COPG1: variants seen among roughly 807,000 people sequenced by gnomAD.
COPG1 encodes the protein coat protein complex I subunit gamma 1.
A neutral mutation model predicts 102.8 loss-of-function variants in COPG1; 29 were observed. The observed-to-expected ratio is 0.28, with a 90% CI of 0.21 to 0.38. The LOEUF is 0.38. Among genes scored for constraint, COPG1 ranks in the 10% least tolerant of loss-of-function variants. COPG1 has a pLI of 1.00. For synonymous variants in COPG1, 406 were observed against 421.6 expected (o/e 0.96, Z 0.45); for missense variants, 875 against 1,132.7 (o/e 0.77, Z 3.27).
intron 12 of COPG1, 43 bp from the exon 13 acceptor site, chr3:129,263,861 T>C: frequency 6.4e-7 from 1 of 1,566,026 alleles, no homozygotes; most frequent in South Asian, 1.1e-5. Context: ...TCACCCCATC[T>C]TGGTGGCAGG....
intron 14 of COPG1, 92 bp downstream of exon 14, chr3:129,265,884 G>A: frequency 8.5e-6 from 11 of 1,301,414 alleles, no homozygotes; most frequent in Non-Finnish European, 1.2e-5. Flanking sequence ...GGGGATTTGT[G>A]CACTCAGTGT....
At chr3:129,260,275 T>A in intron 10 of COPG1, 58 bp from the exon 11 acceptor site, 1 of 1,519,668 alleles carries the variant, frequency 6.6e-7, no homozygotes, top group Non-Finnish European at 9.1e-7. Flanking sequence ...TAGCCCCCGG[T>A]TTTCCCAGCT....
intron 1 of COPG1, among the ~76,000 whole-genome samples, chr3:129,249,980 C>G (rs1008476222): frequency 5.4e-5 from 8 of 149,068 alleles, no homozygotes; most frequent in Admixed American, 4.0e-4. Flanking sequence ...AACACCCCCC[C>G]CCCCAGGCCT....
At chr3:129,254,109 C>T (rs1277876315) in intron 5 of COPG1, among the ~76,000 whole-genome samples, 2 of 151,750 alleles carry the variant, frequency 1.3e-5, no homozygotes, top group Non-Finnish European at 2.9e-5. Flanking sequence ...CCAGCCTGGC[C>T]AACATAGTGA....
rs535420031 is a variant in COPG1 at position 129,274,755 on chromosome 3, C to G, written c.2257-83C>G. 3.9e-5 allele frequency: 57 copies of G among 1,479,444 alleles called. No homozygotes were observed. In the South Asian group the frequency reaches 6.8e-4, roughly 18 times the overall value. The allele number at this position is 1,479,444 out of a possible 1,614,324, so 91.6% of individuals were successfully genotyped here. On this transcript the variant is annotated intron_variant, in intron 21 of 23. Coordinates refer to ENST00000314797, the MANE Select transcript of COPG1 (RefSeq NM_016128.4). ...GAGCAAGCACCTGTGGAAAGAGTTG[C>G]AGGAAGGGATGTGTGGATGAGTTCA...
In COPG1 at chr3:129,265,558, G is replaced by A; in HGVS notation, c.1234G>A (p.Glu412Lys). ...FTMLREEGGF[E>K]YKRAIVDCII... ...CAGCTTCTCTCTGCAGGGTGGCTTT[G>A]AGTATAAGCGCGCTATCGTGGACTG... is the stretch of plus-strand genomic sequence containing the variant. The change falls in exon 14 of 24, where the codon GAG becomes AAG. Residue 412 changes from glutamate to lysine, a missense_variant. Glu to Lys is a moderately conservative substitution (Grantham distance 56). Coordinates refer to ENST00000314797, the MANE Select transcript of COPG1 (RefSeq NM_016128.4). 1 of 1,614,160 alleles carries A rather than the reference G, an allele frequency of 6.2e-7. No homozygotes were observed. The highest frequency in any genetic ancestry group is 8.5e-7 in the Non-Finnish European group (1 of 1,180,018).
At chr3:129,269,053 G>A in intron 18 of COPG1, 53 bp downstream of exon 18, 3 of 1,485,940 alleles carry the variant, frequency 2.0e-6, no homozygotes, top group Non-Finnish European at 2.8e-6. Flanking sequence ...TTTCCTCAGG[G>A]GGTTCAAGAG....
intron 6 of COPG1, 109 bp from the exon 7 acceptor site, chr3:129,254,876 G>T: frequency 8.4e-7 from 1 of 1,188,154 alleles, no homozygotes; most frequent in Non-Finnish European, 1.2e-6. Context: ...AGGAGCACAT[G>T]AGAAACGCTT....
In COPG1 at chr3:129,277,657, T is replaced by C. The variant is rs1178236641; in HGVS notation, c.*233T>C. The C allele has an allele frequency of 2.3e-6, 1 of 437,782 alleles. No homozygotes were observed. The highest frequency in any genetic ancestry group is 4.2e-6 in the Non-Finnish European group (1 of 238,068). The allele number at this position is 437,782 out of a possible 1,614,324, so 27.1% of individuals were successfully genotyped here. A position where few individuals can be genotyped will look rare whatever the true frequency, so the allele number is the denominator to read the frequency against. ...GATTTTAGCTTGTCCTAAATCTTGCTGTCCACCCTTCCAGGAAAGGGACAT... is the reference window on the plus strand; with the variant it reads ...GATTTTAGCTTGTCCTAAATCTTGCCGTCCACCCTTCCAGGAAAGGGACAT... On this transcript the variant is annotated 3_prime_UTR_variant, in exon 24 of 24. Transcript: ENST00000314797.
chr3:129,256,646 C>T (rs553765429), intron 8 of COPG1, among the ~76,000 whole-genome samples: 5 of 152,324 alleles, frequency 3.3e-5, no homozygotes, highest in South Asian at 2.1e-4. Flanking sequence ...GCAGCAAGGA[C>T]GAGCTGAGAT....
At chr3:129,272,051 G>A (rs1005094273) in intron 19 of COPG1, 142 bp downstream of exon 19, 26 of 1,079,868 alleles carry the variant, frequency 2.4e-5, no homozygotes, top group African/African-American at 7.9e-5. Flanking sequence ...CCAACAGGTC[G>A]GTCTCTCATA....
intron 12 of COPG1, among the ~76,000 whole-genome samples, chr3:129,263,645 A>C (rs1347899627): frequency 6.6e-6 from 1 of 152,184 alleles, no homozygotes; most frequent in Non-Finnish European, 1.5e-5. Flanking sequence ...AGACTTAAGA[A>C]GCCTGAGTAG....
At position 129,271,720 on chromosome 3, in the gene COPG1, TGGTCTGGG is replaced by T; in HGVS notation, c.1844-45_1844-38del. The T allele has an allele frequency of 6.2e-7, 1 of 1,606,082 alleles. No homozygotes were observed. Among genetic ancestry groups the T allele is most frequent in the Non-Finnish European group, 8.5e-7 (1 of 1,175,144 alleles). ...AATTTATTAGAAACCATCAACAAGTTGGTCTGGGGATCGAGAAGCTGAGTGAATGTGGC... is the reference window on the plus strand; with the variant it reads ...AATTTATTAGAAACCATCAACAAGTTGATCGAGAAGCTGAGTGAATGTGGC... On this transcript the variant is annotated intron_variant, in intron 18 of 23. Coordinates refer to ENST00000314797, the MANE Select transcript of COPG1 (RefSeq NM_016128.4). The surrounding 1 kb of genome is among the most constrained non-coding windows in gnomAD (Gnocchi z 4.7).
At position 129,257,791 on chromosome 3, in the gene COPG1, T is replaced by A. The variant is rs200701430; in HGVS notation, c.802T>A (p.Tyr268Asn). The A allele has an allele frequency of 6.2e-7, 1 of 1,614,190 alleles. No homozygotes were observed. The highest frequency in any genetic ancestry group is 2.2e-5 in the East Asian group (1 of 44,886). Residue 268 changes from tyrosine (Y) to asparagine (N), a missense_variant, in exon 10 of 24, where the codon TAT (tyrosine) becomes AAT (asparagine). Physicochemically the swap from Tyr to Asn is moderately radical, Grantham distance 143. Coordinates refer to ENST00000314797, the MANE Select transcript of COPG1 (RefSeq NM_016128.4). ...GCGCAACAAGCACGAGATGGTGGTGTATGAAGCCGCCTCGGCCATCGTCAA... is the reference window on the plus strand; with the variant it reads ...GCGCAACAAGCACGAGATGGTGGTGAATGAAGCCGCCTCGGCCATCGTCAA... ...CLRNKHEMVV[Y>N]EAASAIVNLP...
intron 8 of COPG1, among the ~76,000 whole-genome samples, chr3:129,256,477 C>T (rs1406895548): frequency 1.3e-5 from 2 of 152,222 alleles, no homozygotes; most frequent in African/African-American, 2.4e-5. Flanking sequence ...AAATTTAGGC[C>T]TTTGCCAGCC....
chr3:129,252,785 G>T (rs1939726669), intron 4 of COPG1, 91 bp downstream of exon 4: 4 of 1,544,242 alleles, frequency 2.6e-6, no homozygotes, highest in Non-Finnish European at 3.6e-6. Context: ...CAGTCAGTGT[G>T]GGCTGCCTTT....
rs1939726268 is a variant in COPG1 at position 129,252,757 on chromosome 3, A to G, written c.243+63A>G. ...GCTGTAACAAGGTGGTGGGAGGGCC[A>G]AAGAGAGCTGGCCCCACCAGTCAGT... is the stretch of plus-strand genomic sequence containing the variant. On this transcript the variant is annotated intron_variant, in intron 4 of 23. Coordinates refer to ENST00000314797, the MANE Select transcript of COPG1 (RefSeq NM_016128.4). The G allele has an allele frequency of 2.6e-6, 4 of 1,562,268 alleles. No individual in the cohort carries two copies. In the African/African-American group the frequency reaches 4.1e-5, roughly 16 times the overall value.
chr3:129,258,006 GC>G (rs1696368163), intron 10 of COPG1, 146 bp downstream of exon 10: 5 of 998,892 alleles, frequency 5.0e-6, no homozygotes, highest in Non-Finnish European at 7.3e-6. Flanking sequence ...CAGACACTAT[GC>G]TGAGTCCCCA....
rs1425966074 is a variant in COPG1 at position 129,271,790 on chromosome 3, T to A, written c.1867T>A (p.Phe623Ile). The A allele has an allele frequency of 6.2e-7, 1 of 1,614,030 alleles. No individual in the cohort carries two copies. The highest frequency in any genetic ancestry group is 8.5e-7 in the Non-Finnish European group (1 of 1,179,990). The change falls in exon 19 of 24, where the codon TTC becomes ATC. Residue 623 changes from phenylalanine to isoleucine, a missense_variant. Physicochemically the swap from Phe to Ile is conservative, Grantham distance 21. Coordinates refer to ENST00000314797, the MANE Select transcript of COPG1 (RefSeq NM_016128.4). The surrounding 1 kb of genome is among the most constrained non-coding windows in gnomAD (Gnocchi z 4.7). ...AGAGCAGTTGGCAGCAGTGCCAGAGTTCCGCGGTCTTGGGCCCCTCTTCAA... is the reference window on the plus strand; with the variant it reads ...AGAGCAGTTGGCAGCAGTGCCAGAGATCCGCGGTCTTGGGCCCCTCTTCAA... The part of the protein sequence containing the change: ...FQEQLAAVPE[F>I]RGLGPLFKSS...
Sources: allele counts gnomAD v4.1 joint callset (sites outside exome capture counted in the v4.1 genomes callset), GRCh38; gene constraint gnomAD v4.1.1; non-coding constraint Gnocchi (gnomAD v3.1); transcripts MANE v1.5; gene names NCBI Gene and HGNC (gene_info 2026-07-23, HGNC 2026-07-21).